Variants in SETBP1 observed in about 807,000 individuals in gnomAD.
SETBP1 encodes the protein SET binding protein 1, also known as SET-binding protein.
In SETBP1, 9 loss-of-function variants were observed where a neutral mutation model predicts 101.0. That is an observed-to-expected ratio of 0.09 (90% confidence interval 0.05 to 0.16). The LOEUF (loss-of-function observed/expected upper bound fraction) is 0.16, where lower values mean the gene tolerates loss of function less well. SETBP1 is among the 10% of genes least tolerant of loss of function. The pLI, the probability that SETBP1 is intolerant of heterozygous loss-of-function variation, is 1.00. For synonymous variants in SETBP1, 818 were observed against 788.5 expected, an observed-to-expected ratio of 1.04 and a Z score of -0.63; for missense variants, 1,858 against 2,033.8, an observed-to-expected ratio of 0.91 and a Z score of 1.66.
rs191828581 is a variant in SETBP1 at position 44,891,940 on chromosome 18, C to T, written c.540+22657C>T. Reference sequence around the variant, plus strand: ...TTTTATTTTCTCAAAGGAGTTTGCACATGATCAACAGATATATTCATCAAA... The same window carrying T: ...TTTTATTTTCTCAAAGGAGTTTGCATATGATCAACAGATATATTCATCAAA... On this transcript the variant is annotated intron_variant, in intron 3 of 5. Coordinates refer to ENST00000649279, the MANE Select transcript of SETBP1 (RefSeq NM_015559.3). Among the ~76,000 whole-genome samples the T allele has an allele frequency of 3.1e-3, 465 of 152,190 alleles. 3 individuals carry two copies. Among genetic ancestry groups the T allele is most frequent in the Middle Eastern group, 0.02 (6 of 294 alleles).
chr18:45,018,197 A>G (rs1343206654), intron 4 of SETBP1, among the ~76,000 whole-genome samples: 1 of 152,232 alleles, frequency 6.6e-6, no homozygotes. Flanking sequence ...CTTTCTTTAA[A>G]GGGGAAATGG....
chr18:44,841,506 G>C (rs1011576922), intron 2 of SETBP1, among the ~76,000 whole-genome samples: 5 of 152,212 alleles, frequency 3.3e-5, no homozygotes, highest in African/African-American at 1.2e-4. Context: ...TTGAGAGGAA[G>C]AGTACCAAAG....
intron 4 of SETBP1, among the ~76,000 whole-genome samples, chr18:44,984,007 C>T (rs2072172734): frequency 6.6e-6 from 1 of 150,642 alleles, no homozygotes; most frequent in Non-Finnish European, 1.5e-5. Flanking sequence ...TCGAGACCAC[C>T]CCGGCTAACA....
intron 3 of SETBP1, among the ~76,000 whole-genome samples, chr18:44,941,663 C>T (rs2071090848): frequency 6.6e-6 from 1 of 151,756 alleles, no homozygotes; most frequent in Admixed American, 6.6e-5. Flanking sequence ...ATTATTTTCC[C>T]TTCTGTATTT....
intron 4 of SETBP1, among the ~76,000 whole-genome samples, chr18:44,957,407 A>G (rs925699219): frequency 2.0e-5 from 3 of 152,096 alleles, no homozygotes; most frequent in African/African-American, 7.2e-5. Context: ...AGAAGAGTGA[A>G]TCTACATGTG....
intron 2 of SETBP1, among the ~76,000 whole-genome samples, chr18:44,848,506 G>A (rs1459420053): frequency 3.3e-5 from 5 of 152,164 alleles, no homozygotes; most frequent in African/African-American, 1.2e-4. Context: ...TACACATATC[G>A]TGGGCTAGAA....
rs143330541 is a variant in SETBP1 at position 44,932,954 on chromosome 18, G to A, written c.541-16927G>A. On this transcript the variant is annotated intron_variant, in intron 3 of 5. Transcript: ENST00000649279. ...ATTTGAAGCCTTCTTCTCTCAGCTC[G>A]TCAAAGTCATTCTCTCTCCGGCTTT... 2.0e-3 allele frequency among the ~76,000 whole-genome samples: 301 copies of A among 152,284 alleles called. 1 individual carries two copies. Among genetic ancestry groups the A allele is most frequent in the Non-Finnish European group, 2.7e-3 (185 of 68,024 alleles).
chr18:44,776,287 T>G (rs2071000715), intron 2 of SETBP1, among the ~76,000 whole-genome samples: 1 of 152,218 alleles, frequency 6.6e-6, no homozygotes, highest in Admixed American at 6.5e-5. Flanking sequence ...TTACTGTTCC[T>G]GATTGACATC....
chr18:44,684,372 G>A (rs983935275), intron 1 of SETBP1, among the ~76,000 whole-genome samples: 20 of 152,272 alleles, frequency 1.3e-4, no homozygotes, highest in African/African-American at 3.9e-4. Flanking sequence ...GAAAGATGAT[G>A]CCAATCTACA....
intron 4 of SETBP1, among the ~76,000 whole-genome samples, chr18:44,995,532 TGTGTGTGTGTG>T (rs2072478498): frequency 1.4e-5 from 1 of 72,852 alleles, no homozygotes; most frequent in African/African-American, 4.5e-5. Context: ...CAGGCTTTTG[TGTGTGTGTGTG>T]TGTGTGTGTG....
At chr18:44,693,940 G>T (rs1449959079) in intron 1 of SETBP1, among the ~76,000 whole-genome samples, 1 of 152,212 alleles carries the variant, frequency 6.6e-6, no homozygotes, top group African/African-American at 2.4e-5. Flanking sequence ...AGAGTGGGAA[G>T]GGGAGTTCTG....
chr18:44,885,370 C>T (rs2069618315), intron 3 of SETBP1, among the ~76,000 whole-genome samples: 1 of 152,088 alleles, frequency 6.6e-6, no homozygotes, highest in African/African-American at 2.4e-5. Context: ...AGTAAATGAG[C>T]ACATGAATCC....
chr18:44,696,819 G>A (rs2069026309), intron 1 of SETBP1, among the ~76,000 whole-genome samples: 2 of 152,224 alleles, frequency 1.3e-5, no homozygotes, highest in Admixed American at 1.3e-4. Context: ...GACTGCCTGT[G>A]AACAGCAGAG....
chr18:44,829,693 A>G (rs776571875), intron 2 of SETBP1, among the ~76,000 whole-genome samples: 8 of 152,236 alleles, frequency 5.3e-5, no homozygotes, highest in Non-Finnish European at 8.8e-5. Context: ...ATTTCTAAAA[A>G]TCAAATCAGG....
Position 45,063,552 on chromosome 18 carries a change from C to T in SETBP1, c.4645C>T (p.Arg1549Ter). The T allele has an allele frequency of 6.7e-7, 1 of 1,500,422 alleles. No individual in the cohort carries two copies. The highest frequency in any genetic ancestry group is 9.0e-7 in the Non-Finnish European group (1 of 1,113,980). 92.9% of individuals were successfully genotyped at this position (1,500,422 alleles called of 1,614,324 possible). A position where few individuals can be genotyped will look rare whatever the true frequency, so the allele number is the denominator to read the frequency against. ...PPPPPLPKTP[R>*]GGKRKHKPQA... is the part of the protein sequence containing the mutation. ...GCCACCCCCTCTACCCAAGACCCCCCGAGGCGGAAAGAGGAAACACAAACC... is the reference window on the plus strand; with the variant it reads ...GCCACCCCCTCTACCCAAGACCCCCTGAGGCGGAAAGAGGAAACACAAACC... The change falls in exon 6 of 6, where the codon CGA becomes TGA. Residue 1549 changes from arginine to a stop codon, truncating the protein, a stop_gained. Coordinates refer to ENST00000649279, the MANE Select transcript of SETBP1 (RefSeq NM_015559.3). LOFTEE classifies it high-confidence loss of function.
At chr18:44,870,003 A>T (rs1042178321) in intron 3 of SETBP1, 7 of 158,374 alleles carry the variant, frequency 4.4e-5, no homozygotes, top group Non-Finnish European at 7.0e-5. Context: ...ATAAAGAAAG[A>T]TCAATCCAAA....
chr18:44,880,283 A>G (rs2069500130), intron 3 of SETBP1, among the ~76,000 whole-genome samples: 1 of 152,214 alleles, frequency 6.6e-6, no homozygotes, highest in Non-Finnish European at 1.5e-5. Flanking sequence ...TCTGCAGAAA[A>G]GAGCCATCCA....
chr18:45,021,728 A>G (rs1325424104), intron 4 of SETBP1, among the ~76,000 whole-genome samples: 1 of 152,228 alleles, frequency 6.6e-6, no homozygotes, highest in African/African-American at 2.4e-5. Context: ...TCTTGAAAAC[A>G]TAACTCTCTC....
intron 3 of SETBP1, chr18:44,877,155 G>T: frequency 1.0e-6 from 1 of 981,050 alleles, no homozygotes; most frequent in Non-Finnish European, 1.2e-6. Context: ...CCAAGCCACA[G>T]CTGGCCTGTC....
Sources: allele counts gnomAD v4.1 joint callset (sites outside exome capture counted in the v4.1 genomes callset), GRCh38; gene constraint gnomAD v4.1.1; transcripts MANE v1.5; gene names NCBI Gene and HGNC (gene_info 2026-07-23, HGNC 2026-07-21).